The following CNTNAP2 variants were observed in gnomAD, a reference collection of about 807,000 sequenced individuals.
The protein encoded by CNTNAP2 is contactin-associated protein-like 2.
CNTNAP2 carries 98 observed loss-of-function variants against 155.2 expected under a neutral mutation model. The ratio of observed to expected loss-of-function variants is 0.63; its 90% CI spans 0.54 to 0.75. The LOEUF is 0.75. Ranked by LOEUF, CNTNAP2 falls within the 30% of genes least tolerant of loss-of-function variation. The pLI is 0.00. For synonymous variants in CNTNAP2, 651 were observed against 631.2 expected (o/e 1.03, Z -0.47); for missense variants, 1,727 against 1,688.1 (o/e 1.02, Z -0.40).
chr7:147,234,742 T>C (rs1284561451), intron 8 of CNTNAP2, among the ~76,000 whole-genome samples: 3 of 152,170 alleles, frequency 2.0e-5, no homozygotes, highest in African/African-American at 7.2e-5. Context: ...TGTCTTTCCT[T>C]GACACTCAAG....
At chr7:148,309,684 G>A (rs554969161) in intron 21 of CNTNAP2, among the ~76,000 whole-genome samples, 76 of 152,086 alleles carry the variant, frequency 5.0e-4, no homozygotes, top group Middle Eastern at 3.4e-3. Flanking sequence ...ACACGATAAT[G>A]TCATCAGTTA....
intron 3 of CNTNAP2, among the ~76,000 whole-genome samples, chr7:146,910,743 G>A (rs1461931390): frequency 6.7e-6 from 1 of 148,914 alleles, no homozygotes; most frequent in Non-Finnish European, 1.5e-5. Flanking sequence ...ACATAGGCAT[G>A]GGCAAGGACT....
intron 18 of CNTNAP2, among the ~76,000 whole-genome samples, chr7:148,212,663 T>A (rs1795570261): frequency 6.6e-6 from 1 of 152,186 alleles, no homozygotes; most frequent in Non-Finnish European, 1.5e-5. Context: ...GGCTTGTTAA[T>A]TTAGAGTTAT....
At chr7:147,093,942 G>A (rs1457835839) in intron 4 of CNTNAP2, among the ~76,000 whole-genome samples, 1 of 152,170 alleles carries the variant, frequency 6.6e-6, no homozygotes, top group African/African-American at 2.4e-5. Flanking sequence ...CCAATTTAAA[G>A]TCCCAAGCCC....
intron 14 of CNTNAP2, among the ~76,000 whole-genome samples, chr7:147,936,413 A>C (rs962907529): frequency 2.0e-5 from 3 of 152,242 alleles, no homozygotes; most frequent in African/African-American, 7.2e-5. Context: ...CTGAAGACAG[A>C]GAAAAACTGG....
chr7:146,485,805 C>A (rs548974935), intron 1 of CNTNAP2, among the ~76,000 whole-genome samples: 1 of 151,992 alleles, frequency 6.6e-6, no homozygotes, highest in African/African-American at 2.4e-5. Flanking sequence ...ACAAAAAAAA[C>A]CCATGACACA....
chr7:147,751,914 A>G (rs375450004), intron 13 of CNTNAP2, among the ~76,000 whole-genome samples: 35 of 152,304 alleles, frequency 2.3e-4, no homozygotes, highest in African/African-American at 7.9e-4. Flanking sequence ...CTTACAGGAG[A>G]AAATCAAGAC....
chr7:147,053,339 TG>T (rs767729361), intron 4 of CNTNAP2, among the ~76,000 whole-genome samples: 1 of 152,140 alleles, frequency 6.6e-6, no homozygotes, highest in Non-Finnish European at 1.5e-5. Context: ...AGTATTTAAT[TG>T]TTTTTTTTCT....
chr7:146,748,270 G>A (rs546106184), intron 1 of CNTNAP2, among the ~76,000 whole-genome samples: 7 of 149,844 alleles, frequency 4.7e-5, no homozygotes, highest in Non-Finnish European at 5.9e-5. Flanking sequence ...CTCAGCCTCC[G>A]GAGTAACTGG....
chr7:148,157,162 A>C (rs1072991), intron 17 of CNTNAP2, among the ~76,000 whole-genome samples: 45,554 of 152,096 alleles, frequency 0.3, 7,276 homozygotes, highest in African/African-American at 0.4. Context: ...CTTCATTTAC[A>C]TAGGGCATAT....
At chr7:148,322,266 G>A (rs978877386) in intron 21 of CNTNAP2, among the ~76,000 whole-genome samples, 14 of 152,162 alleles carry the variant, frequency 9.2e-5, no homozygotes, top group African/African-American at 3.4e-4. Context: ...CATCAAGAAA[G>A]AAAGCCTAAG....
chr7:146,902,074 C>T (rs1457291545), intron 3 of CNTNAP2, among the ~76,000 whole-genome samples: 1 of 151,720 alleles, frequency 6.6e-6, no homozygotes, highest in Admixed American at 6.6e-5. Flanking sequence ...GTAGTGGAGA[C>T]GGGGTTTCAC....
chr7:147,833,263 A>C (rs934435838), intron 13 of CNTNAP2, among the ~76,000 whole-genome samples: 1 of 152,134 alleles, frequency 6.6e-6, no homozygotes, highest in Non-Finnish European at 1.5e-5. Context: ...AATTAGCGCC[A>C]ATCTGGAAGT....
chr7:147,830,280 G>C (rs534852037), intron 13 of CNTNAP2, among the ~76,000 whole-genome samples: 2 of 152,198 alleles, frequency 1.3e-5, no homozygotes, highest in African/African-American at 4.8e-5. Context: ...CTGGTGTCTG[G>C]TGAGGGGGAG....
chr7:147,607,355 G>T (rs1350603632), intron 12 of CNTNAP2, among the ~76,000 whole-genome samples: 1 of 152,130 alleles, frequency 6.6e-6, no homozygotes. Context: ...GTATTGTTTT[G>T]TGAGGCCCAA....
In CNTNAP2 at chr7:147,464,593, G is replaced by A. The variant is rs568604209; in HGVS notation, c.1671-21342G>A. ...GCCACAATTTTTAGTTTCTTCATCT[G>A]TAAAATAAAGGCATTAAATAAGGAG... is the stretch of plus-strand genomic sequence containing the variant. On this transcript the variant is annotated intron_variant, in intron 10 of 23. Transcript: ENST00000361727. Among the ~76,000 whole-genome samples the A allele has an allele frequency of 2.0e-5, 3 of 151,364 alleles. No homozygotes were observed. The East Asian group carries it at 5.8e-4, about 29-fold the overall frequency.
intron 1 of CNTNAP2, among the ~76,000 whole-genome samples, chr7:146,622,079 A>G (rs1332322320): frequency 6.6e-6 from 1 of 151,828 alleles, no homozygotes; most frequent in African/African-American, 2.4e-5. Flanking sequence ...GTTTTTGAAA[A>G]GCATTTCTTT....
At chr7:147,355,979 T>C (rs1376625388) in intron 9 of CNTNAP2, among the ~76,000 whole-genome samples, 1 of 151,612 alleles carries the variant, frequency 6.6e-6, no homozygotes, top group Non-Finnish European at 1.5e-5. Context: ...AGAGACACAA[T>C]AAGAAAAGAA....
chr7:146,553,627 A>G (rs1353333618), intron 1 of CNTNAP2, among the ~76,000 whole-genome samples: 2 of 152,078 alleles, frequency 1.3e-5, no homozygotes, highest in African/African-American at 4.8e-5. Context: ...AGTTGGACTA[A>G]CAATTTCATT....
Sources: allele counts gnomAD v4.1 joint callset (sites outside exome capture counted in the v4.1 genomes callset), GRCh38; gene constraint gnomAD v4.1.1; transcripts MANE v1.5; gene names NCBI Gene and HGNC (gene_info 2026-07-23, HGNC 2026-07-21).